TJP2: variants seen among roughly 807,000 people sequenced by gnomAD.
TJP2 encodes tight junction protein 2.
A neutral mutation model predicts 133.1 loss-of-function variants in TJP2; 91 were observed. The observed-to-expected ratio is 0.68, with a 90% CI of 0.58 to 0.81. The LOEUF (loss-of-function observed/expected upper bound fraction) is 0.81. Ranked by LOEUF, TJP2 falls within the 40% of genes least tolerant of loss-of-function variation. TJP2 has a pLI of 0.00. For missense variants in TJP2, 1,541 were observed against 1,565.6 expected (o/e 0.98, Z 0.26); for synonymous variants, 592 against 583.4 (o/e 1.01, Z -0.21).
intron 22 of TJP2, 101 bp downstream of exon 22, chr9:69,253,001 G>A: frequency 1.9e-6 from 2 of 1,077,796 alleles, no homozygotes; most frequent in Non-Finnish European, 2.8e-6. Flanking sequence ...GTAACAGGAG[G>A]ATTTTTTCCC....
intron 19 of TJP2, chr9:69,248,437 G>A (rs1021806121): frequency 5.6e-6 from 8 of 1,420,416 alleles, no homozygotes; most frequent in Non-Finnish European, 7.4e-6. Context: ...AGCTTGAGGG[G>A]TCAGCACTCC....
intron 1 of TJP2, among the ~76,000 whole-genome samples, chr9:69,176,981 T>C (rs765249629): frequency 2.0e-5 from 3 of 151,958 alleles, no homozygotes; most frequent in Admixed American, 6.6e-5. Flanking sequence ...GGGGGCGGGG[T>C]GAAGCGGTAG....
chr9:69,209,432 C>A (rs553805808), intron 1 of TJP2, among the ~76,000 whole-genome samples: 2 of 152,304 alleles, frequency 1.3e-5, no homozygotes, highest in African/African-American at 2.4e-5. Context: ...TCACGCCCGA[C>A]CCGGTTTCTG....
chr9:69,183,595 GT>G (rs1825658482), intron 1 of TJP2, among the ~76,000 whole-genome samples: 1 of 151,998 alleles, frequency 6.6e-6, no homozygotes, highest in Non-Finnish European at 1.5e-5. Context: ...AGGTATTTGG[GT>G]TATTTTCAGT....
chr9:69,251,438 C>T, intron 21 of TJP2, 74 bp downstream of exon 21: 1 of 1,467,246 alleles, frequency 6.8e-7, no homozygotes, highest in Non-Finnish European at 9.3e-7. Context: ...AGCGAACAGC[C>T]CCTTTGCTGC....
intron 17 of TJP2, 89 bp downstream of exon 17, chr9:69,240,236 A>G: frequency 3.1e-6 from 4 of 1,297,766 alleles, no homozygotes; most frequent in Non-Finnish European, 4.3e-6. Context: ...ATCTGAATGG[A>G]GAATTTGAAA....
chr9:69,132,954 CAG>C (rs1370042119), intron 1 of TJP2, among the ~76,000 whole-genome samples: 1 of 139,960 alleles, frequency 7.1e-6, no homozygotes, highest in African/African-American at 2.6e-5. Flanking sequence ...CATCTAAAAA[CAG>C]GGAGAATTTA....
rs554416159 is a variant in TJP2 at position 69,239,269 on chromosome 9, C to T, written c.2355+480C>T. Among the ~76,000 whole-genome samples, 456 of 152,060 alleles carry T rather than the reference C, an allele frequency of 3.0e-3. 4 individuals carry two copies. The Middle Eastern group carries it at 0.034, about 11-fold the overall frequency. On this transcript the variant is annotated intron_variant, in intron 16 of 22. Coordinates refer to ENST00000377245, the MANE Select transcript of TJP2 (RefSeq NM_004817.4). The stretch of plus-strand genomic sequence containing the variant: ...CTGTTGGCAGTGAGCGGAGATTGCA[C>T]CATTGCACTCCAGCCTGGGCGACAA...
intron 1 of TJP2, among the ~76,000 whole-genome samples, chr9:69,132,469 C>T (rs1822538754): frequency 1.3e-5 from 2 of 152,268 alleles, no homozygotes; most frequent in South Asian, 4.1e-4. Context: ...GCCTCGGGGC[C>T]TGGTGCTGCA....
intron 11 of TJP2, 128 bp downstream of exon 11, chr9:69,230,360 C>G: frequency 8.3e-7 from 1 of 1,207,822 alleles, no homozygotes; most frequent in Non-Finnish European, 1.2e-6. Flanking sequence ...TTGTTGATGC[C>G]CAGCATTGAA....
At chr9:69,179,049 G>A (rs985906692) in intron 1 of TJP2, among the ~76,000 whole-genome samples, 3 of 151,854 alleles carry the variant, frequency 2.0e-5, no homozygotes, top group Non-Finnish European at 4.4e-5. Flanking sequence ...GGAACAGGAA[G>A]CCTTGAGGTA....
intron 1 of TJP2, among the ~76,000 whole-genome samples, chr9:69,208,745 G>A (rs1159667371): frequency 1.3e-5 from 2 of 152,116 alleles, no homozygotes; most frequent in African/African-American, 4.8e-5. Context: ...CAATCCTGGG[G>A]ATGATTGTCA....
intron 22 of TJP2, chr9:69,253,935 A>G (rs1808751265): frequency 2.0e-6 from 1 of 487,864 alleles, no homozygotes; most frequent in Non-Finnish European, 3.8e-6. Flanking sequence ...CAGGGAGCTT[A>G]GGGGTAAGGA....
intron 12 of TJP2, among the ~76,000 whole-genome samples, chr9:69,234,864 G>A (rs1403003623): frequency 6.6e-6 from 1 of 152,108 alleles, no homozygotes; most frequent in Non-Finnish European, 1.5e-5. Context: ...ATGTGCAAAG[G>A]CCATGGCTGC....
At chr9:69,159,528 G>T (rs1823951022) in intron 2 of TJP2, among the ~76,000 whole-genome samples, 1 of 152,120 alleles carries the variant, frequency 6.6e-6, no homozygotes, top group South Asian at 2.1e-4. Flanking sequence ...AAGAGGCTTT[G>T]TAAATTGTTA....
chr9:69,186,756 G>A (rs1825884135), intron 1 of TJP2, among the ~76,000 whole-genome samples: 1 of 152,232 alleles, frequency 6.6e-6, no homozygotes. Context: ...ACAGCTGGAG[G>A]AAGGGACCCG....
chr9:69,163,095 G>A lies in TJP2; in HGVS notation c.-10+11324G>A, dbSNP rs1416399897. On this transcript the variant is annotated intron_variant, in intron 2 of 5. Coordinates refer to the TJP2 transcript ENST00000423935. ...GGCTGGAGTGCAGTGGCGGGATCTC[G>A]GCTCACTGCAAGCTCCGCCTCCCGG... 3.0e-4 allele frequency among the ~76,000 whole-genome samples: 13 copies of A among 42,634 alleles called. 3 individuals carry two copies. Among genetic ancestry groups the A allele is most frequent in the Non-Finnish European group, 5.4e-4 (12 of 22,106 alleles). The allele number at this position is 42,634 out of a possible 152,430, so 28.0% of individuals were successfully genotyped here. A position where few individuals can be genotyped will look rare whatever the true frequency, so the allele number is the denominator to read the frequency against.
intron 1 of TJP2, among the ~76,000 whole-genome samples, chr9:69,140,991 C>T (rs1464720392): frequency 6.6e-6 from 1 of 152,112 alleles, no homozygotes; most frequent in Admixed American, 6.6e-5. Flanking sequence ...GGACTACAGG[C>T]GTGCACCACC....
chr9:69,132,492 AG>A (rs1230094494), intron 1 of TJP2, among the ~76,000 whole-genome samples: 2 of 152,170 alleles, frequency 1.3e-5, no homozygotes, highest in African/African-American at 4.8e-5. Context: ...AGAAGGTGGA[AG>A]GAAGTGAACT....
Sources: gnomAD v4.1 joint callset for allele counts (sites outside exome capture counted in the v4.1 genomes callset) on GRCh38, gnomAD v4.1.1 for gene constraint, MANE v1.5 for transcripts, NCBI Gene and HGNC (gene_info 2026-07-23, HGNC 2026-07-21) for gene names.